The following TOX2 variants were observed in gnomAD, a reference collection of about 807,000 sequenced individuals.
The protein encoded by TOX2 is granulosa cell HMG box 1.
TOX2 carries 15 observed loss-of-function variants against 47.4 expected under a neutral mutation model. The ratio of observed to expected loss-of-function variants is 0.32; its 90% CI spans 0.21 to 0.49. The LOEUF (loss-of-function observed/expected upper bound fraction) is 0.49. Among genes scored for constraint, TOX2 ranks in the 20% least tolerant of loss-of-function variants. The probability of loss-of-function intolerance (pLI) is 0.99; values close to 1 mark genes in which losing one functional copy is unlikely to be tolerated. For missense variants in TOX2, 622 were observed against 673.1 expected (o/e 0.92, Z 0.84); for synonymous variants, 290 against 296.6 (o/e 0.98, Z 0.23).
chr20:43,992,739 T>G (rs1341808514), intron 2 of TOX2, among the ~76,000 whole-genome samples: 1 of 151,484 alleles, frequency 6.6e-6, no homozygotes, highest in Non-Finnish European at 1.5e-5. Flanking sequence ...AGTGACAAAT[T>G]GGGAGTAATA....
rs536103154 is a variant in TOX2 at position 43,997,654 on chromosome 20, C to G, written c.166-8893C>G. 7.2e-5 allele frequency among the ~76,000 whole-genome samples: 11 copies of G among 152,066 alleles called. No homozygotes were observed. The South Asian group carries it at 2.3e-3, about 32-fold the overall frequency. ...AATTTGTTTTCTATTTTATTTTTCTCCTACAGACTTTCGGTTTATTTTGTT... is the reference window on the plus strand; with the variant it reads ...AATTTGTTTTCTATTTTATTTTTCTGCTACAGACTTTCGGTTTATTTTGTT... On this transcript the variant is annotated intron_variant, in intron 2 of 8. Transcript: ENST00000341197.
intron 3 of TOX2, chr20:44,007,442 C>G (rs997191798): frequency 2.6e-5 from 4 of 152,570 alleles, no homozygotes; most frequent in African/African-American, 9.6e-5. Flanking sequence ...TGGCCACGGT[C>G]GGAAACAGAG....
At chr20:43,971,527 C>G (rs1010000637) in intron 1 of TOX2, among the ~76,000 whole-genome samples, 1 of 152,176 alleles carries the variant, frequency 6.6e-6, no homozygotes. Flanking sequence ...CTACGGCCTC[C>G]GTGAGGGCAG....
At chr20:43,958,735 C>T (rs2145419370) in intron 1 of TOX2, among the ~76,000 whole-genome samples, 1 of 152,350 alleles carries the variant, frequency 6.6e-6, no homozygotes, top group Non-Finnish European at 1.5e-5. Context: ...CTGGCTTCTT[C>T]TGGAGGTGCA....
At chr20:43,950,288 C>T (rs554773192) in intron 1 of TOX2, among the ~76,000 whole-genome samples, 50 of 152,336 alleles carry the variant, frequency 3.3e-4, no homozygotes, top group African/African-American at 1.1e-3. Context: ...CGGATGTCAG[C>T]GGCTCTGAGG....
intron 3 of TOX2, among the ~76,000 whole-genome samples, chr20:44,011,967 C>T (rs2070783580): frequency 6.6e-6 from 1 of 152,208 alleles, no homozygotes; most frequent in South Asian, 2.1e-4. Context: ...ATGCTTAAGG[C>T]TTCTCTCTCA....
rs1443648916 is a variant in TOX2, at chr20:44,054,437, A to G, written c.790A>G (p.Ile264Val). The G allele has an allele frequency of 2.4e-5, 39 of 1,613,560 alleles. No homozygotes were observed. In the Admixed American group the frequency reaches 6.5e-4, roughly 27 times the overall value. Residue 264 changes from isoleucine to valine, a missense_variant, in exon 5 of 9, where the codon ATC becomes GTC. Physicochemically the swap from Ile to Val is conservative, Grantham distance 29. Around this residue, in one of 3 missense-constraint regions of TOX2, gnomAD observed 21 missense variants for 45.8 expected, o/e 0.46. Transcript: ENST00000341197. Reference protein sequence around the residue: ...ALFFRDTQAAIKGQNPSATFG... With the variant: ...ALFFRDTQAAVKGQNPSATFG... ...CTTCTTCAGAGACACTCAGGCCGCC[A>G]TCAAGGGTCAGAACCCCAGTGCCAC...
At chr20:43,956,843 C>T (rs79646314) in intron 1 of TOX2, among the ~76,000 whole-genome samples, 1,651 of 152,046 alleles carry the variant, frequency 0.011, 30 homozygotes, top group African/African-American at 0.038. Context: ...TCCCTTTTTT[C>T]CCTTCCATAT....
chr20:44,010,986 CT>C (rs1343142291), intron 3 of TOX2, among the ~76,000 whole-genome samples: 1 of 152,170 alleles, frequency 6.6e-6, no homozygotes. Flanking sequence ...TCTCCTCCGG[CT>C]CCTGGGGGTT....
intron 1 of TOX2, among the ~76,000 whole-genome samples, chr20:43,963,819 A>G (rs143514852): frequency 1.3e-5 from 2 of 152,348 alleles, no homozygotes; most frequent in African/African-American, 4.8e-5. Context: ...TTCAAATTAC[A>G]TACAGTGGGC....
chr20:43,973,824 C>T (rs977928848), intron 2 of TOX2, among the ~76,000 whole-genome samples: 5 of 152,296 alleles, frequency 3.3e-5, no homozygotes, highest in African/African-American at 1.2e-4. Context: ...CATGCCCTTG[C>T]GTAGGCATGC....
intron 2 of TOX2, among the ~76,000 whole-genome samples, chr20:44,002,640 C>T (rs1324661630): frequency 3.3e-5 from 5 of 152,152 alleles, no homozygotes; most frequent in Non-Finnish European, 7.3e-5. Flanking sequence ...TTAATTGGCT[C>T]ATGGTTCTGC....
intron 2 of TOX2, among the ~76,000 whole-genome samples, chr20:43,998,722 T>TA (rs1454579733): frequency 6.9e-5 from 2 of 28,992 alleles, no homozygotes; most frequent in African/African-American, 9.2e-5. Context: ...GCCTGATACA[T>TA]CTATCTATCT....
intron 3 of TOX2, among the ~76,000 whole-genome samples, chr20:44,042,754 TTTA>T (rs2071352829): frequency 6.6e-6 from 1 of 152,210 alleles, no homozygotes; most frequent in Non-Finnish European, 1.5e-5. Context: ...GGGATCGGAT[TTTA>T]TTCTAAGAGG....
chr20:44,012,150 G>A (rs541751699), intron 3 of TOX2, among the ~76,000 whole-genome samples: 2 of 152,342 alleles, frequency 1.3e-5, no homozygotes, highest in East Asian at 3.8e-4. Flanking sequence ...GAGAGATATT[G>A]TATGTATAAA....
At chr20:44,060,068 C>T (rs1458220426) in intron 5 of TOX2, among the ~76,000 whole-genome samples, 2 of 152,130 alleles carry the variant, frequency 1.3e-5, no homozygotes, top group African/African-American at 4.8e-5. Context: ...AAAAGATACT[C>T]CATGCAAATG....
At chr20:44,009,106 C>G (rs2070738047) in intron 3 of TOX2, among the ~76,000 whole-genome samples, 1 of 152,238 alleles carries the variant, frequency 6.6e-6, no homozygotes, top group South Asian at 2.1e-4. Context: ...GTGTCTACCT[C>G]TGCCATGACT....
chr20:43,985,922 C>T (rs1345218645), intron 2 of TOX2, among the ~76,000 whole-genome samples: 1 of 152,092 alleles, frequency 6.6e-6, no homozygotes, highest in African/African-American at 2.4e-5. Context: ...TGAGAGTGAC[C>T]CATGCACTTG....
chr20:43,926,447 G>C (rs1201343280), intron 1 of TOX2, among the ~76,000 whole-genome samples: 1 of 152,168 alleles, frequency 6.6e-6, no homozygotes, highest in Non-Finnish European at 1.5e-5. Context: ...CTGAGTCGTG[G>C]TTTCCTCACA....
Sources: allele counts gnomAD v4.1 joint callset (sites outside exome capture counted in the v4.1 genomes callset), GRCh38; gene constraint gnomAD v4.1.1; regional missense constraint gnomAD v4.1.1; transcripts MANE v1.5; gene names NCBI Gene and HGNC (gene_info 2026-07-23, HGNC 2026-07-21).